SNX14: variants seen among roughly 807,000 people sequenced by gnomAD.
SNX14 encodes sorting nexin-14.
Under a neutral mutation model 133.8 loss-of-function variants are expected in SNX14, and 93 were observed. The observed-to-expected ratio is 0.70, with a 90% CI of 0.59 to 0.83. The LOEUF (loss-of-function observed/expected upper bound fraction) is 0.83. SNX14 is among the 40% of genes least tolerant of loss of function. SNX14 has a pLI of 0.00. For synonymous variants in SNX14, 368 were observed against 365.6 expected (o/e 1.01, Z -0.07); for missense variants, 945 against 1,094.9 (o/e 0.86, Z 1.93).
intron 16 of SNX14, 192 bp from the exon 17 acceptor site, chr6:85,537,116 T>C: frequency 2.2e-6 from 1 of 444,776 alleles, no homozygotes; most frequent in Non-Finnish European, 3.8e-6. Context: ...GACACAGTAT[T>C]TAAAGTTTAA....
rs139514945 is a variant in SNX14 at position 85,556,227 on chromosome 6, G to A, written c.634+1749C>T. ...TTAAAGAAAAATACTTTTCCTATAC[G>A]TTCTTCTGACAGTAAAGTAGCCTTT... On this transcript the variant is annotated intron_variant, in intron 7 of 28. Transcript: ENST00000314673. Among the ~76,000 whole-genome samples, 365 of 151,960 alleles carry A rather than the reference G, an allele frequency of 2.4e-3. 1 individual carries two copies. Among genetic ancestry groups the A allele is most frequent in the African/African-American group, 8.6e-3 (357 of 41,420 alleles).
intron 27 of SNX14, 53 bp downstream of exon 27, chr6:85,507,915 C>G: frequency 7.0e-7 from 1 of 1,419,064 alleles, no homozygotes; most frequent in East Asian, 2.3e-5. Flanking sequence ...CACCTTACTA[C>G]GTCGTTCACC....
chr6:85,563,111 T>A (rs924783376), intron 6 of SNX14, among the ~76,000 whole-genome samples: 2 of 152,206 alleles, frequency 1.3e-5, no homozygotes, highest in African/African-American at 4.8e-5. Context: ...CCATTTTGTA[T>A]CTTTTTTTTG....
chr6:85,550,058 C>T (rs924457096), intron 7 of SNX14, among the ~76,000 whole-genome samples, 179 bp from the exon 8 acceptor site: 10 of 152,048 alleles, frequency 6.6e-5, no homozygotes, highest in African/African-American at 2.2e-4. Context: ...ACCAGCCTGG[C>T]CAACATGGCA....
chr6:85,517,663 C>A lies in SNX14; in HGVS notation c.2268+93G>T, dbSNP rs1775495466. On this transcript the variant is annotated intron_variant, in intron 23 of 28. Transcript: ENST00000314673. ...AGGAAATGTATAGCTCAATCCATTT[C>A]ATTAACAAAGTATTCATTCTCTCGA... 4 of 1,401,018 alleles carry A rather than the reference C, an allele frequency of 2.9e-6. No individual in the cohort carries two copies. In the East Asian group the frequency reaches 9.5e-5, roughly 33 times the overall value. The allele number at this position is 1,401,018 out of a possible 1,614,324, so 86.8% of individuals were successfully genotyped here. A position where few individuals can be genotyped will look rare whatever the true frequency, so the allele number is the denominator to read the frequency against.
intron 28 of SNX14, among the ~76,000 whole-genome samples, chr6:85,506,531 T>C (rs1770767003): frequency 6.6e-6 from 1 of 152,186 alleles, no homozygotes; most frequent in Non-Finnish European, 1.5e-5. Context: ...TTAGCTAGGA[T>C]AGTCTTGATC....
chr6:85,545,992 T>C (rs949949268), intron 12 of SNX14, among the ~76,000 whole-genome samples: 7 of 152,186 alleles, frequency 4.6e-5, no homozygotes, highest in Non-Finnish European at 7.4e-5. Context: ...CCAAACTACT[T>C]ATTTAGACAA....
In SNX14 at chr6:85,514,095, C is replaced by T. The variant is rs143873124; in HGVS notation, c.2532G>A (p.Leu844=). The T allele has an allele frequency of 1.5e-3, 2,468 of 1,613,122 alleles. 34 individuals carry two copies. The African/African-American group carries it at 0.027, about 18-fold the overall frequency. ...KLEQLFQEHR[L]VSLITLLRDA... ...CTCTGAGAAGTGTTATGAGTGAGACCAAACGGTGCTCCTGAAATAGCTGTT... is the reference window on the plus strand; with the variant it reads ...CTCTGAGAAGTGTTATGAGTGAGACTAAACGGTGCTCCTGAAATAGCTGTT... Residue 844 remains leucine, a synonymous_variant, in exon 25 of 29, where the codon TTG becomes TTA. Coordinates refer to ENST00000314673, the MANE Select transcript of SNX14 (RefSeq NM_153816.6).
chr6:85,526,180 G>C lies in SNX14; in HGVS notation c.2053C>G (p.Pro685Ala). The C allele has an allele frequency of 6.2e-7, 1 of 1,608,462 alleles. No individual in the cohort carries two copies. Among genetic ancestry groups the C allele is most frequent in the Non-Finnish European group, 8.5e-7 (1 of 1,177,478 alleles). The change falls in exon 21 of 29, where the codon CCT becomes GCT. Residue 685 changes from proline (P) to alanine (A), a missense_variant. By Grantham distance (27) the Pro-to-Ala change is conservative. Around this residue, in one of 3 missense-constraint regions of SNX14, gnomAD observed 412 missense variants for 516.6 expected, o/e 0.80. Coordinates refer to ENST00000314673, the MANE Select transcript of SNX14 (RefSeq NM_153816.6). The part of the protein sequence containing the change: ...NSQLLADFLS[P>A]NGGETQFLDK... ...AGAAATTGTGTTTCCCCACCATTAGGGGAAAGAAAGTCTGCCAGAAGTTGA... is the reference window on the plus strand; with the variant it reads ...AGAAATTGTGTTTCCCCACCATTAGCGGAAAGAAAGTCTGCCAGAAGTTGA...
chr6:85,557,347 A>G (rs1389876439), intron 7 of SNX14, among the ~76,000 whole-genome samples: 1 of 152,232 alleles, frequency 6.6e-6, no homozygotes, highest in African/African-American at 2.4e-5. Context: ...ATTCACTCAG[A>G]AAAGATCCTG....
At chr6:85,566,257 G>C (rs753209685) in intron 5 of SNX14, among the ~76,000 whole-genome samples, 2 of 152,208 alleles carry the variant, frequency 1.3e-5, no homozygotes, top group African/African-American at 4.8e-5. Flanking sequence ...CTCACCATCA[G>C]CTTTAGTTAA....
chr6:85,565,458 G>T, intron 5 of SNX14, 39 bp from the exon 6 acceptor site: 1 of 1,457,858 alleles, frequency 6.9e-7, no homozygotes, highest in Non-Finnish European at 9.4e-7. Context: ...GAAGTTCAGA[G>T]AAATACAGTT....
intron 26 of SNX14, among the ~76,000 whole-genome samples, chr6:85,512,071 G>A (rs1385684431): frequency 6.6e-6 from 1 of 152,142 alleles, no homozygotes; most frequent in Non-Finnish European, 1.5e-5. Context: ...GATGGCTAGA[G>A]TGTATTGGAG....
rs758478321 is a variant in SNX14, at chr6:85,514,570, T to C, written c.2328A>G (p.Gln776=). The C allele has an allele frequency of 1.2e-6, 2 of 1,613,438 alleles. No individual in the cohort carries two copies. The highest frequency in any genetic ancestry group is 3.3e-5 in the Admixed American group (2 of 60,024). Residue 776 remains glutamine (Q), a synonymous_variant, in exon 24 of 29, where the codon CAA becomes CAG. Coordinates refer to ENST00000314673, the MANE Select transcript of SNX14 (RefSeq NM_153816.6). The stretch of plus-strand genomic sequence containing the variant: ...TCACCTCCATAAAATAATTCTGATT[T>C]TGCTTTCTCTCTGTATTTTCAGCAC... ...ANRAENTERK[Q]NQNYFMEVMT...
intron 23 of SNX14, among the ~76,000 whole-genome samples, chr6:85,514,905 C>T (rs894124742): frequency 6.6e-6 from 1 of 152,046 alleles, no homozygotes; most frequent in African/African-American, 2.4e-5. Context: ...TTTGTTTTTA[C>T]ATACCACAAA....
At chr6:85,535,395 C>T (rs1562259721) in intron 17 of SNX14, among the ~76,000 whole-genome samples, 3 of 151,688 alleles carry the variant, frequency 2.0e-5, no homozygotes, top group East Asian at 1.9e-4. Context: ...GGGTGGATCA[C>T]GAGGTCAGGA....
intron 1 of SNX14, among the ~76,000 whole-genome samples, chr6:85,582,495 A>AT (rs374052377): frequency 1.4e-3 from 205 of 148,682 alleles, no homozygotes; most frequent in South Asian, 7.2e-3. Flanking sequence ...CCAGGAGCCG[A>AT]TTTTTTTTTT....
chr6:85,533,545 C>T, intron 18 of SNX14, 54 bp downstream of exon 18: 2 of 1,543,942 alleles, frequency 1.3e-6, no homozygotes, highest in Non-Finnish European at 1.8e-6. Context: ...TACCTGATAA[C>T]AACAGACTCA....
intron 2 of SNX14, among the ~76,000 whole-genome samples, chr6:85,573,509 T>A (rs774971333): frequency 2.0e-5 from 3 of 151,916 alleles, no homozygotes; most frequent in Non-Finnish European, 2.9e-5. Flanking sequence ...GGAAAAGATA[T>A]CCCACTAAAC....
Sources: gnomAD v4.1 joint callset for allele counts (sites outside exome capture counted in the v4.1 genomes callset) on GRCh38, gnomAD v4.1.1 for gene constraint, gnomAD v4.1.1 regional missense constraint, MANE v1.5 for transcripts, NCBI Gene and HGNC (gene_info 2026-07-23, HGNC 2026-07-21) for gene names.